The following CDH17 variants were observed in gnomAD, a reference collection of about 807,000 sequenced individuals.
CDH17 encodes cadherin 17, also known as cadherin-17.
Under a neutral mutation model 86.3 loss-of-function variants are expected in CDH17, and 67 were observed. The observed-to-expected ratio is 0.78, with a 90% CI of 0.64 to 0.95. The LOEUF (loss-of-function observed/expected upper bound fraction) is 0.95. Among genes scored for constraint, CDH17 ranks in the 40% least tolerant of loss-of-function variants. CDH17 has a pLI of 0.00. For missense variants in CDH17, 993 were observed against 1,017.6 expected (o/e 0.98, Z 0.33); for synonymous variants, 367 against 366.4 (o/e 1.00, Z -0.02).
At chr8:94,197,566 C>T (rs959488515) in intron 1 of CDH17, among the ~76,000 whole-genome samples, 1 of 152,072 alleles carries the variant, frequency 6.6e-6, no homozygotes, top group Non-Finnish European at 1.5e-5. Flanking sequence ...GGCACGGTGG[C>T]TCAGGCCTGT....
intron 1 of CDH17, among the ~76,000 whole-genome samples, chr8:94,205,233 G>A (rs1018870754): frequency 4.0e-5 from 6 of 151,854 alleles, no homozygotes; most frequent in Non-Finnish European, 8.8e-5. Flanking sequence ...CTAAAGAGGA[G>A]GACTGGAATC....
chr8:94,158,546 C>A (rs1292134676), intron 12 of CDH17, among the ~76,000 whole-genome samples: 1 of 152,174 alleles, frequency 6.6e-6, no homozygotes, highest in East Asian at 1.9e-4. Context: ...AAGGAAGCTG[C>A]CCCCGTCACC....
At chr8:94,133,647 A>C (rs1278331054) in intron 15 of CDH17, among the ~76,000 whole-genome samples, 1 of 152,074 alleles carries the variant, frequency 6.6e-6, no homozygotes, top group African/African-American at 2.4e-5. Context: ...AATACCCTTT[A>C]TTTCTTTCTC....
chr8:94,151,843 C>A, intron 13 of CDH17, 25 bp downstream of exon 13: 4 of 1,613,422 alleles, frequency 2.5e-6, no homozygotes, highest in South Asian at 1.1e-5. Context: ...CGCAGCCAGG[C>A]CTGCCCAGCA....
rs762019852 is a variant in CDH17, at chr8:94,130,919, A to T, written c.2241T>A (p.Asn747Lys). ...EREYVVLIRI[N>K]DGGRPPLEGI... ...CTTCCAAGGGTGGCCGACCCCCATC[A>T]TTGATGCGGATCAAGACGACATACT... Residue 747 changes from asparagine (N) to lysine (K), a missense_variant, in exon 16 of 18, where the codon AAT becomes AAA. Physicochemically the swap from Asn to Lys is moderately conservative, Grantham distance 94 (BLOSUM62 0). Coordinates refer to ENST00000027335, the MANE Select transcript of CDH17 (RefSeq NM_004063.4). 1.2e-6 allele frequency: 2 copies of T among 1,612,106 alleles called. No individual in the cohort carries two copies. Among genetic ancestry groups the T allele is most frequent in the African/African-American group, 2.7e-5 (2 of 74,866 alleles).
chr8:94,147,783 C>G (rs1170991370), intron 14 of CDH17, among the ~76,000 whole-genome samples: 1 of 152,138 alleles, frequency 6.6e-6, no homozygotes, highest in African/African-American at 2.4e-5. Context: ...ATCAGCACAA[C>G]TAAAATAAAT....
chr8:94,184,690 T>G (rs532436102), intron 3 of CDH17, among the ~76,000 whole-genome samples: 1 of 152,228 alleles, frequency 6.6e-6, no homozygotes, highest in South Asian at 2.1e-4. Flanking sequence ...TAAAAACTAC[T>G]GAATTTTAGA....
rs374334243 is a variant in CDH17, at chr8:94,146,127, G to A, written c.1968C>T (p.Ile656=). 2.7e-5 allele frequency: 43 copies of A among 1,605,364 alleles called. No individual in the cohort carries two copies. The highest frequency in any genetic ancestry group is 3.6e-5 in the Non-Finnish European group (42 of 1,175,790). ...GAGGGTTGTCATTCACATCCATAAGGATCAGGTGGAACTCTGACACAGAGC... is the reference window on the plus strand; with the variant it reads ...GAGGGTTGTCATTCACATCCATAAGAATCAGGTGGAACTCTGACACAGAGC... ...SLSSVSEFHL[I]LMDVNDNPPR... is the part of the protein sequence containing the mutation. The change falls in exon 15 of 18, where the codon ATC becomes ATT. Residue 656 remains isoleucine (I), a synonymous_variant. Coordinates refer to ENST00000027335, the MANE Select transcript of CDH17 (RefSeq NM_004063.4).
At chr8:94,196,280 T>C (rs1813784966) in intron 1 of CDH17, among the ~76,000 whole-genome samples, 1 of 152,220 alleles carries the variant, frequency 6.6e-6, no homozygotes, top group South Asian at 2.1e-4. Flanking sequence ...GCCCTACATT[T>C]GCATAACTTA....
At chr8:94,129,077 T>G (rs1812358032) in intron 17 of CDH17, among the ~76,000 whole-genome samples, 1 of 152,188 alleles carries the variant, frequency 6.6e-6, no homozygotes, top group Admixed American at 6.5e-5. Context: ...AACCCTATCT[T>G]GAAAATAAGG....
chr8:94,145,734 T>TA (rs1279946674), intron 15 of CDH17, among the ~76,000 whole-genome samples, 194 bp downstream of exon 15: 6 of 152,216 alleles, frequency 3.9e-5, no homozygotes, highest in Admixed American at 3.9e-4. Context: ...TGTGTGGTCA[T>TA]AATCTTTCCT....
At position 94,146,152 on chromosome 8, in the gene CDH17, C is replaced by T; in HGVS notation, c.1943G>A (p.Ser648Asn). The change falls in exon 15 of 18, where the codon AGC (serine) becomes AAC (asparagine). Residue 648 changes from serine to asparagine, a missense_variant. Transcript: ENST00000027335. ...GATCAGGTGGAACTCTGACACAGAG[C>T]TCAAGGAAGACCCCCCTAAGGAATT... ...VATEVGGSSLSSVSEFHLILM... is the reference protein window; with the variant it reads ...VATEVGGSSLNSVSEFHLILM... The T allele has an allele frequency of 6.4e-7, 1 of 1,567,844 alleles. No homozygotes were observed. Among genetic ancestry groups the T allele is most frequent in the South Asian group, 1.2e-5 (1 of 83,392 alleles).
chr8:94,143,525 C>A (rs939210730), intron 15 of CDH17, among the ~76,000 whole-genome samples: 1 of 152,180 alleles, frequency 6.6e-6, no homozygotes, highest in Non-Finnish European at 1.5e-5. Context: ...GGCTTTGAAG[C>A]CAGGCATTTA....
rs552625505 is a variant in CDH17 at position 94,154,274 on chromosome 8, G to A, written c.1552-2162C>T. ...CAGGTCTTACCAGAGCTTGCACTAC[G>A]CTAATATGTCTTAGAAGAGGAACTG... is the stretch of plus-strand genomic sequence containing the variant. On this transcript the variant is annotated intron_variant, in intron 12 of 17. Coordinates refer to ENST00000027335, the MANE Select transcript of CDH17 (RefSeq NM_004063.4). Among the ~76,000 whole-genome samples, 16 of 152,246 alleles carry A rather than the reference G, an allele frequency of 1.1e-4. 1 individual carries two copies. The South Asian group carries it at 3.1e-3, about 30-fold the overall frequency.
intron 1 of CDH17, among the ~76,000 whole-genome samples, chr8:94,215,269 A>G (rs933859504): frequency 1.3e-5 from 2 of 152,244 alleles, no homozygotes; most frequent in African/African-American, 2.4e-5. Context: ...AAAATGTGGT[A>G]TCCATATGAT....
chr8:94,168,875 C>T (rs1238607068), intron 9 of CDH17, among the ~76,000 whole-genome samples: 1 of 152,086 alleles, frequency 6.6e-6, no homozygotes, highest in East Asian at 1.9e-4. Flanking sequence ...GTGATGGGAT[C>T]GCTTCCAAGA....
intron 15 of CDH17, among the ~76,000 whole-genome samples, chr8:94,138,041 T>C (rs1471595318): frequency 1.3e-5 from 2 of 152,120 alleles, no homozygotes; most frequent in East Asian, 1.9e-4. Flanking sequence ...GTATGCATGA[T>C]ATTATACCTG....
Position 94,173,282 on chromosome 8 carries a change from G to A in CDH17, c.783+515C>T, listed in dbSNP as rs114815607. On this transcript the variant is annotated intron_variant, in intron 7 of 17. Transcript: ENST00000027335. ...GCCCAGTGGGAGGTGGGATCATGGG[G>A]GCAGATCCCTCGTGAATGGCTGAGC... Among the ~76,000 whole-genome samples the A allele has an allele frequency of 8.0e-3, 1,215 of 152,238 alleles. 16 individuals are homozygous for A. Among genetic ancestry groups the A allele is most frequent in the African/African-American group, 0.02 (821 of 41,542 alleles).
intron 12 of CDH17, among the ~76,000 whole-genome samples, chr8:94,156,728 T>C (rs1028685797): frequency 1.3e-5 from 2 of 152,240 alleles, no homozygotes; most frequent in African/African-American, 4.8e-5. Flanking sequence ...GGGGAAAGCA[T>C]ACCTGTCCGC....
Sources: allele counts gnomAD v4.1 joint callset (sites outside exome capture counted in the v4.1 genomes callset), GRCh38; gene constraint gnomAD v4.1.1; transcripts MANE v1.5; gene names NCBI Gene and HGNC (gene_info 2026-07-23, HGNC 2026-07-21).